The following CYP4B1 variants were observed in gnomAD, a reference collection of about 807,000 sequenced individuals.
CYP4B1 encodes cytochrome P450 4B1.
CYP4B1 carries 45 observed loss-of-function variants against 54.0 expected under a neutral mutation model. The observed-to-expected ratio is 0.83, with a 90% CI of 0.66 to 1.07. The LOEUF is 1.07. Among genes scored for constraint, CYP4B1 ranks in the 50% least tolerant of loss-of-function variants. CYP4B1 has a pLI of 0.00. For synonymous variants in CYP4B1, 248 were observed against 247.5 expected, an observed-to-expected ratio of 1.00 and a Z score of -0.02; for missense variants, 656 against 655.4, an observed-to-expected ratio of 1.00 and a Z score of -0.01.
chr1:46,800,236 TC>T (rs1678580213), intron 1 of CYP4B1, among the ~76,000 whole-genome samples: 1 of 55,534 alleles, frequency 1.8e-5, no homozygotes, highest in African/African-American at 5.7e-5. Context: ...TTTCTTTCTT[TC>T]TTTCCTTCCT....
intron 8 of CYP4B1, 62 bp downstream of exon 8, chr1:46,815,326 T>G: frequency 7.1e-7 from 1 of 1,411,160 alleles, no homozygotes; most frequent in Non-Finnish European, 9.5e-7. Context: ...ATGCCCATCC[T>G]GTCCTGAACC....
At chr1:46,812,175 A>C (rs966525189) in intron 3 of CYP4B1, 1 of 497,496 alleles carries the variant, frequency 2.0e-6, no homozygotes, top group Non-Finnish European at 3.9e-6. Context: ...GGCTGTCCCC[A>C]GGGGGATGCG....
At position 46,811,434 on chromosome 1, in the gene CYP4B1, C is replaced by T. The variant is rs45620635; in HGVS notation, c.367+250C>T. Among the ~76,000 whole-genome samples the T allele has an allele frequency of 2.0e-3, 302 of 152,278 alleles. 1 individual carries two copies. The highest frequency in any genetic ancestry group is 7.0e-3 in the African/African-American group (291 of 41,560). On this transcript the variant is annotated intron_variant, in intron 3 of 11. Transcript: ENST00000371923. ...AAAGGCTTTGGAGAATGTGTGAGTG[C>T]GAAGAACAGTTTCCTGAAGGAGGTG...
rs773363257 is a variant in CYP4B1, at chr1:46,815,124, C to G, written c.933C>G (p.Asp311Glu). The G allele has an allele frequency of 1.2e-6, 2 of 1,614,200 alleles. No homozygotes were observed. Among genetic ancestry groups the G allele is most frequent in the Non-Finnish European group, 1.7e-6 (2 of 1,180,038 alleles). The part of the protein sequence containing the change: ...LSDADLRAEV[D>E]TFMFEGHDTT... ...ATGCAGACCTCCGGGCTGAAGTGGA[C>G]ACATTCATGTTTGAAGGCCATGACA... Residue 311 changes from aspartate (D) to glutamate (E), a missense_variant, in exon 8 of 12, where the codon GAC becomes GAG. Transcript: ENST00000371923.
In CYP4B1 at chr1:46,812,521, G is replaced by T. The variant is rs755650253; in HGVS notation, c.393G>T (p.Gly131=). The T allele has an allele frequency of 5.2e-5, 84 of 1,613,638 alleles. No homozygotes were observed. The highest frequency in any genetic ancestry group is 6.9e-5 in the Non-Finnish European group (82 of 1,179,888). Residue 131 remains glycine, a synonymous_variant, in exon 4 of 12, where the codon GGG becomes GGT. Coordinates refer to ENST00000371923, the MANE Select transcript of CYP4B1 (RefSeq NM_001099772.2). ...WIGRGLLVLE[G]PKWLQHRKLL... ...GGAGAGGCCTGCTGGTTCTTGAGGG[G>T]CCCAAGTGGTTGCAGCACCGCAAGC...
intron 1 of CYP4B1, among the ~76,000 whole-genome samples, chr1:46,809,447 G>T (rs979802199): frequency 6.6e-6 from 1 of 152,230 alleles, no homozygotes; most frequent in Non-Finnish European, 1.5e-5. Flanking sequence ...TTGTGAGAGA[G>T]AATTTTACGG....
rs567535089 is a variant in CYP4B1 at position 46,800,165 on chromosome 1, T to C, written c.180+904T>C. Among the ~76,000 whole-genome samples the C allele has an allele frequency of 4.8e-4, 53 of 110,518 alleles. 3 individuals carry two copies. The highest frequency in any genetic ancestry group is 3.5e-3 in the South Asian group (11 of 3,134). 72.5% of individuals were successfully genotyped at this position (110,518 alleles called of 152,430 possible). Reference sequence around the variant, plus strand: ...CTTTCCCTTTCCCTTTCTTTCTTTCTTTTTTTCTTCTTTCTTTCTCTTTCT... The same window carrying C: ...CTTTCCCTTTCCCTTTCTTTCTTTCCTTTTTTCTTCTTTCTTTCTCTTTCT... On this transcript the variant is annotated intron_variant, in intron 1 of 11. Transcript: ENST00000371923.
chr1:46,810,016 G>A (rs2148403377), intron 1 of CYP4B1, among the ~76,000 whole-genome samples: 1 of 152,316 alleles, frequency 6.6e-6, no homozygotes, highest in South Asian at 2.1e-4. Context: ...CATCCCAGGT[G>A]ACTGTCCCAC....
intron 8 of CYP4B1, among the ~76,000 whole-genome samples, chr1:46,816,576 G>A (rs1470528329): frequency 1.8e-5 from 2 of 111,856 alleles, no homozygotes; most frequent in African/African-American, 3.7e-5. Context: ...TTGCCAAAGG[G>A]AAAAGACACA....
rs752544893 is a variant in CYP4B1, at chr1:46,815,210, A to G, written c.1019A>G (p.His340Arg). 3.9e-5 allele frequency: 62 copies of G among 1,605,154 alleles called. 1 individual carries two copies. Among genetic ancestry groups the G allele is most frequent in the Non-Finnish European group, 4.8e-5 (56 of 1,175,282 alleles). Residue 340 changes from histidine to arginine, a missense_variant, in exon 8 of 12, where the codon CAT becomes CGT. Physicochemically the swap from His to Arg is conservative, Grantham distance 29. Coordinates refer to ENST00000371923, the MANE Select transcript of CYP4B1 (RefSeq NM_001099772.2). Reference sequence around the variant, plus strand: ...ATGGCCCTGTACCCTGAGCACCAGCATCGTTGTAGAGAGGAGGTCCGCGAG... The same window carrying G: ...ATGGCCCTGTACCCTGAGCACCAGCGTCGTTGTAGAGAGGAGGTCCGCGAG... ...YCMALYPEHQ[H>R]RCREEVREIL...
Position 46,814,035 on chromosome 1 carries a change from GGCC to G in CYP4B1, c.748_750del (p.Ala250del). Reference sequence around the variant, plus strand: ...CCCCACATGGCCGCCGCTTCCTGCGGGCCTGCCAGGTGGCCCATGACCATACAG... The same window carrying G: ...CCCCACATGGCCGCCGCTTCCTGCGGTGCCAGGTGGCCCATGACCATACAG... On this transcript the variant is annotated inframe_deletion, in exon 6 of 12. Transcript: ENST00000371923. 1 of 1,614,120 alleles carries G rather than the reference GGCC, an allele frequency of 6.2e-7. No homozygotes were observed. Among genetic ancestry groups the G allele is most frequent in the African/African-American group, 1.3e-5 (1 of 75,044 alleles).
chr1:46,813,396 C>T (rs1396432117), intron 4 of CYP4B1, 86 bp from the exon 5 acceptor site: 19 of 1,544,516 alleles, frequency 1.2e-5, no homozygotes, highest in African/African-American at 6.8e-5. Context: ...GGATAGGCTA[C>T]GGGTCCTGGA....
chr1:46,816,494 T>G (rs1377310979), intron 8 of CYP4B1, among the ~76,000 whole-genome samples: 1 of 151,162 alleles, frequency 6.6e-6, no homozygotes, highest in Non-Finnish European at 1.5e-5. Context: ...CAGTGGGGAG[T>G]TTGGGGACTC....
chr1:46,814,316 G>C lies in CYP4B1; in HGVS notation c.882+1G>C. The C allele has an allele frequency of 6.2e-7, 1 of 1,611,930 alleles. No individual in the cohort carries two copies. The highest frequency in any genetic ancestry group is 1.1e-5 in the South Asian group (1 of 90,604). On this transcript the variant is annotated splice_donor_variant, in intron 7 of 11. Coordinates refer to ENST00000371923, the MANE Select transcript of CYP4B1 (RefSeq NM_001099772.2). LOFTEE classifies it high-confidence loss of function. ...CCTGGACATTCTCCTGGGTGCCCGG[G>C]TGAGTACATTGTTGCCCACCCCTAC...
intron 5 of CYP4B1, 25 bp downstream of exon 5, chr1:46,813,631 C>A (rs556445377): frequency 1.2e-6 from 2 of 1,612,704 alleles, no homozygotes; most frequent in South Asian, 2.2e-5. Context: ...CGGGGCTGAC[C>A]GCACTGTCTC....
intron 1 of CYP4B1, among the ~76,000 whole-genome samples, chr1:46,800,325 C>CTT (rs71572624): frequency 4.2e-5 from 6 of 143,046 alleles, no homozygotes; most frequent in Admixed American, 1.4e-4. Flanking sequence ...CTTTCTCTCT[C>CTT]TCTCTTTCTT....
At position 46,818,182 on chromosome 1, in the gene CYP4B1, T is replaced by G; in HGVS notation, c.1324T>G (p.Phe442Val). ...TGAGAATGCATCCAAACGCCATCCC[T>G]TTGCCTTTATGCCCTTCTCTGCTGG... is the stretch of plus-strand genomic sequence containing the variant. ...STENASKRHP[F>V]AFMPFSAGPR... The change falls in exon 11 of 12, where the codon TTT becomes GTT. Residue 442 changes from phenylalanine (F) to valine (V), a missense_variant. Phe to Val is a conservative substitution (Grantham distance 50, BLOSUM62 -1). Coordinates refer to ENST00000371923, the MANE Select transcript of CYP4B1 (RefSeq NM_001099772.2). The G allele has an allele frequency of 6.2e-7, 1 of 1,614,108 alleles. No individual in the cohort carries two copies. The highest frequency in any genetic ancestry group is 8.5e-7 in the Non-Finnish European group (1 of 1,179,982).
chr1:46,815,998 G>C (rs942946102), intron 8 of CYP4B1, among the ~76,000 whole-genome samples: 1 of 152,162 alleles, frequency 6.6e-6, no homozygotes, highest in Non-Finnish European at 1.5e-5. Flanking sequence ...TGAGCCAGAG[G>C]GGGAACTTTA....
chr1:46,811,294 C>A, intron 3 of CYP4B1, 110 bp downstream of exon 3: 1 of 1,153,852 alleles, frequency 8.7e-7, no homozygotes, highest in South Asian at 1.3e-5. Context: ...GCCTAGTTCT[C>A]GGGTGCCCAT....
Sources: gnomAD v4.1 joint callset for allele counts (sites outside exome capture counted in the v4.1 genomes callset) on GRCh38, gnomAD v4.1.1 for gene constraint, MANE v1.5 for transcripts, NCBI Gene and HGNC (gene_info 2026-07-23, HGNC 2026-07-21) for gene names.